DOP1A: variants seen among roughly 807,000 people sequenced by gnomAD.
The protein encoded by DOP1A is protein DOP1A.
A neutral mutation model predicts 267.6 loss-of-function variants in DOP1A; 90 were observed. The ratio of observed to expected loss-of-function variants is 0.34; its 90% CI spans 0.28 to 0.40. The LOEUF (loss-of-function observed/expected upper bound fraction) is 0.40, where lower values mean the gene tolerates loss of function less well. Among genes scored for constraint, DOP1A ranks in the 10% least tolerant of loss-of-function variants. The probability of loss-of-function intolerance (pLI) is 1.00; values close to 1 mark genes in which losing one functional copy is unlikely to be tolerated. For missense variants in DOP1A, 2,437 were observed against 2,900.4 expected, an observed-to-expected ratio of 0.84 and a Z score of 3.67; for synonymous variants, 932 against 999.1, an observed-to-expected ratio of 0.93 and a Z score of 1.27.
chr6:83,156,155 C>T (rs1583160090), intron 34 of DOP1A, 52 bp downstream of exon 34: 2 of 1,461,980 alleles, frequency 1.4e-6, no homozygotes, highest in Non-Finnish European at 1.9e-6. Context: ...TTTTTGGTTC[C>T]TTAGAAAATA....
intron 1 of DOP1A, among the ~76,000 whole-genome samples, chr6:83,085,237 A>T (rs1768896483): frequency 6.6e-6 from 1 of 152,206 alleles, no homozygotes; most frequent in South Asian, 2.1e-4. Flanking sequence ...TTCAGATTAT[A>T]TTTGAGGCCC....
Position 83,137,796 on chromosome 6 carries a change from T to A in DOP1A, c.3754T>A (p.Ser1252Thr), listed in dbSNP as rs773177786. 1.9e-6 allele frequency: 3 copies of A among 1,613,740 alleles called. No homozygotes were observed. In the African/African-American group the frequency reaches 4.0e-5, roughly 22 times the overall value. Residue 1252 changes from serine (S) to threonine (T), a missense_variant, in exon 21 of 39, where the codon TCT becomes ACT. Physicochemically the swap from Ser to Thr is moderately conservative, Grantham distance 58. Coordinates refer to ENST00000349129, the MANE Select transcript of DOP1A (RefSeq NM_015018.4). Reference protein sequence around the residue: ...SGTTHTLHDSSVASIETKSRQ... With the variant: ...SGTTHTLHDSTVASIETKSRQ... Reference sequence around the variant, plus strand: ...AACCACACACACTCTTCATGACTCTTCTGTTGCTTCCATAGAAACCAAATC... The same window carrying A: ...AACCACACACACTCTTCATGACTCTACTGTTGCTTCCATAGAAACCAAATC...
chr6:83,075,166 TA>T (rs1766862647), intron 1 of DOP1A, among the ~76,000 whole-genome samples: 1 of 152,232 alleles, frequency 6.6e-6, no homozygotes, highest in South Asian at 2.1e-4. Context: ...GTTAGCACTT[TA>T]AAAATCAATG....
chr6:83,154,670 T>A (rs1782386433), intron 33 of DOP1A, among the ~76,000 whole-genome samples: 1 of 152,068 alleles, frequency 6.6e-6, no homozygotes, highest in East Asian at 1.9e-4. Context: ...TTTAAATCTC[T>A]GGGGCTCTGT....
chr6:83,162,623 A>C (rs1475933530), intron 37 of DOP1A, among the ~76,000 whole-genome samples, 167 bp from the exon 38 acceptor site: 2 of 152,182 alleles, frequency 1.3e-5, no homozygotes, highest in Admixed American at 1.3e-4. Flanking sequence ...ATGAAGGCTC[A>C]GAGAGGTTAA....
In DOP1A at chr6:83,137,995, TCAAA is replaced by T. The variant is rs770672182; in HGVS notation, c.3959_3962del (p.Gln1320ProfsTer11). 1.2e-6 allele frequency: 2 copies of T among 1,606,074 alleles called. No individual in the cohort carries two copies. Among genetic ancestry groups the T allele is most frequent in the African/African-American group, 1.3e-5 (1 of 74,160 alleles). On this transcript the variant is annotated frameshift_variant, in exon 21 of 39. Transcript: ENST00000349129. LOFTEE classifies it high-confidence loss of function. Reference sequence around the variant, plus strand: ...AAGAAAAAATCTTCAAATGAAAAACTCAAACAAACCAGTGTATTCTTCAGTGATG... The same window carrying T: ...AAGAAAAAATCTTCAAATGAAAAACTCAAACCAGTGTATTCTTCAGTGATG...
At chr6:83,103,124 A>AT (rs948857100) in intron 4 of DOP1A, among the ~76,000 whole-genome samples, 2 of 152,098 alleles carry the variant, frequency 1.3e-5, no homozygotes, top group Non-Finnish European at 2.9e-5. Flanking sequence ...TCCTGTTGGT[A>AT]TTTGTTGGAC....
chr6:83,100,612 A>G (rs1411982522), intron 3 of DOP1A, 93 bp from the exon 4 acceptor site: 21 of 907,208 alleles, frequency 2.3e-5, no homozygotes, highest in Non-Finnish European at 3.3e-5. Flanking sequence ...AAGACCTACA[A>G]TGATCATTTT....
In DOP1A at chr6:83,138,145, A is replaced by T; in HGVS notation, c.4103A>T (p.His1368Leu). The change falls in exon 21 of 39, where the codon CAT becomes CTT. Residue 1368 changes from histidine (H) to leucine (L), a missense_variant. His to Leu is a moderately conservative substitution (Grantham distance 99). This residue lies in a region of DOP1A where 878 missense variants were observed against 992.9 expected (regional missense o/e 0.88). Coordinates refer to ENST00000349129, the MANE Select transcript of DOP1A (RefSeq NM_015018.4). ...PNFNIHPLYQ[H>L]VLLYLQLYDS... ...TTCAACATTCATCCTCTCTATCAAC[A>T]TGTGCTCCTGTATCTCCAGTTGTAT... 6.2e-7 allele frequency: 1 copy of T among 1,613,950 alleles called. No homozygotes were observed. Among genetic ancestry groups the T allele is most frequent in the Non-Finnish European group, 8.5e-7 (1 of 1,179,902 alleles).
At position 83,129,009 on chromosome 6, in the gene DOP1A, T is replaced by C; in HGVS notation, c.1842T>C (p.Asp614=). The change falls in exon 16 of 39, where the codon GAT becomes GAC. Residue 614 remains aspartate, a synonymous_variant. Coordinates refer to ENST00000349129, the MANE Select transcript of DOP1A (RefSeq NM_015018.4). Reference sequence around the variant, plus strand: ...TACAATATCAAGCAGACCGAACTGATGATATTGACAGAGAACTGAGTGAGG... The same window carrying C: ...TACAATATCAAGCAGACCGAACTGACGATATTGACAGAGAACTGAGTGAGG... ...EFIQYQADRT[D]DIDRELSEGQ... 2 of 1,613,518 alleles carry C rather than the reference T, an allele frequency of 1.2e-6. No individual in the cohort carries two copies. Among genetic ancestry groups the C allele is most frequent in the Non-Finnish European group, 8.5e-7 (1 of 1,179,742 alleles).
chr6:83,143,425 TAGAG>T (rs1233413323), intron 24 of DOP1A, among the ~76,000 whole-genome samples: 3 of 152,154 alleles, frequency 2.0e-5, no homozygotes, highest in African/African-American at 4.8e-5. Flanking sequence ...TAAATAGAAA[TAGAG>T]AGCCAAGGAT....
intron 27 of DOP1A, among the ~76,000 whole-genome samples, chr6:83,150,394 C>T (rs1274053305): frequency 1.0e-5 from 1 of 97,914 alleles, no homozygotes; most frequent in Admixed American, 9.8e-5. Flanking sequence ...GTTCCCCTTT[C>T]CTTACATGCC....
intron 1 of DOP1A, among the ~76,000 whole-genome samples, 178 bp downstream of exon 1, chr6:83,067,957 G>A (rs1353654435): frequency 6.6e-6 from 1 of 152,212 alleles, no homozygotes; most frequent in Non-Finnish European, 1.5e-5. Flanking sequence ...CCGCCCTCTG[G>A]TTTACGGGGA....
At chr6:83,129,958 C>A (rs939012417) in intron 16 of DOP1A, among the ~76,000 whole-genome samples, 165 bp from the exon 17 acceptor site, 17 of 152,072 alleles carry the variant, frequency 1.1e-4, no homozygotes, top group Non-Finnish European at 2.2e-4. Context: ...ATAAGAAATT[C>A]TTGTTGCTAC....
At chr6:83,122,819 A>G (rs984877504) in intron 11 of DOP1A, 44 bp from the exon 12 acceptor site, 3 of 1,362,416 alleles carry the variant, frequency 2.2e-6, no homozygotes, top group Admixed American at 3.4e-5. Flanking sequence ...GAAAAAACAA[A>G]TGTTAATATT....
At chr6:83,091,618 C>T (rs1196668085) in intron 1 of DOP1A, among the ~76,000 whole-genome samples, 2 of 152,100 alleles carry the variant, frequency 1.3e-5, no homozygotes, top group African/African-American at 4.8e-5. Context: ...ATAAGATTAT[C>T]TGAAGGATGT....
At chr6:83,107,807 G>T (rs952067257) in intron 4 of DOP1A, among the ~76,000 whole-genome samples, 8 of 152,198 alleles carry the variant, frequency 5.3e-5, no homozygotes, top group Non-Finnish European at 1.2e-4. Context: ...ATATGGAAAG[G>T]TATGGGCACT....
At chr6:83,124,471 A>G (rs527786840) in intron 12 of DOP1A, among the ~76,000 whole-genome samples, 1 of 152,260 alleles carries the variant, frequency 6.6e-6, no homozygotes, top group East Asian at 1.9e-4. Context: ...TCCATTCAGA[A>G]CACTTCGAAG....
intron 27 of DOP1A, among the ~76,000 whole-genome samples, chr6:83,149,908 A>G (rs13208108): frequency 0.18 from 27,763 of 152,194 alleles, 3,251 homozygotes; most frequent in Middle Eastern, 0.3. Context: ...AAGGTGAGGA[A>G]TAATAAAAGG....
Sources: gnomAD v4.1 joint callset for allele counts (sites outside exome capture counted in the v4.1 genomes callset) on GRCh38, gnomAD v4.1.1 for gene constraint, gnomAD v4.1.1 regional missense constraint, MANE v1.5 for transcripts, NCBI Gene and HGNC (gene_info 2026-07-23, HGNC 2026-07-21) for gene names.